Variants in ROBO2 observed in about 807,000 individuals in gnomAD.
The protein encoded by ROBO2 is roundabout homolog 2.
Under a neutral mutation model 160.8 loss-of-function variants are expected in ROBO2, and 53 were observed. The observed-to-expected ratio is 0.33, with a 90% CI of 0.26 to 0.41. ROBO2 has a LOEUF of 0.41. Ranked by LOEUF, ROBO2 falls within the 10% of genes least tolerant of loss-of-function variation. The pLI, the probability that ROBO2 is intolerant of heterozygous loss-of-function variation, is 1.00. For missense variants in ROBO2, 1,577 were observed against 1,722.4 expected (o/e 0.92, Z 1.49); for synonymous variants, 664 against 611.7 (o/e 1.09, Z -1.26).
chr3:77,490,809 T>C (rs1156904009), intron 4 of ROBO2, among the ~76,000 whole-genome samples: 1 of 152,228 alleles, frequency 6.6e-6, no homozygotes, highest in Non-Finnish European at 1.5e-5. Flanking sequence ...TGCGTCTGAC[T>C]GATCACCCAG....
At chr3:77,367,786 T>C (rs969487893) in intron 2 of ROBO2, among the ~76,000 whole-genome samples, 2 of 152,150 alleles carry the variant, frequency 1.3e-5, no homozygotes, top group Non-Finnish European at 2.9e-5. Flanking sequence ...TAATGTTAAC[T>C]CTTAGAATGC....
chr3:75,990,318 G>A (rs1191953670), intron 2 of ROBO2, among the ~76,000 whole-genome samples: 1 of 152,120 alleles, frequency 6.6e-6, no homozygotes, highest in Non-Finnish European at 1.5e-5. Context: ...AGACTTCATA[G>A]GGGAAAGAAT....
intron 2 of ROBO2, among the ~76,000 whole-genome samples, chr3:76,677,863 T>C (rs184684273): frequency 1.3e-5 from 2 of 151,956 alleles, no homozygotes; most frequent in Admixed American, 1.3e-4. Context: ...ATCCCAGGGT[T>C]ATGTCTCTGC....
intron 2 of ROBO2, among the ~76,000 whole-genome samples, chr3:76,218,944 G>C (rs1044932836): frequency 6.6e-6 from 1 of 152,174 alleles, no homozygotes; most frequent in African/African-American, 2.4e-5. Context: ...AAAGCAGCAT[G>C]ATACTGGTAC....
At chr3:76,259,727 G>T (rs1453809916) in intron 2 of ROBO2, among the ~76,000 whole-genome samples, 1 of 152,104 alleles carries the variant, frequency 6.6e-6, no homozygotes, top group Non-Finnish European at 1.5e-5. Flanking sequence ...GGGCTCCTTA[G>T]CTGTGATGCA....
intron 2 of ROBO2, among the ~76,000 whole-genome samples, chr3:76,593,613 T>C (rs535756044): frequency 6.6e-6 from 1 of 152,086 alleles, no homozygotes; most frequent in Non-Finnish European, 1.5e-5. Flanking sequence ...ATCATGATTT[T>C]TCAGAATTAA....
chr3:76,693,048 C>T (rs1461806471), intron 2 of ROBO2, among the ~76,000 whole-genome samples: 43 of 147,794 alleles, frequency 2.9e-4, no homozygotes, highest in Non-Finnish European at 4.8e-4. Flanking sequence ...GTCTCTCTCC[C>T]TATATATATA....
chr3:77,419,949 C>A (rs1431832277), intron 2 of ROBO2, among the ~76,000 whole-genome samples: 1 of 152,094 alleles, frequency 6.6e-6, no homozygotes, highest in Non-Finnish European at 1.5e-5. Flanking sequence ...TGCTCAACAC[C>A]ATGCCTTCTG....
chr3:76,630,792 T>C (rs2089984510), intron 2 of ROBO2, among the ~76,000 whole-genome samples: 1 of 152,228 alleles, frequency 6.6e-6, no homozygotes, highest in Non-Finnish European at 1.5e-5. Flanking sequence ...AATCTGAAGA[T>C]AGAATATCTG....
intron 2 of ROBO2, among the ~76,000 whole-genome samples, chr3:75,941,551 A>G (rs1310397956): frequency 6.6e-6 from 1 of 152,162 alleles, no homozygotes; most frequent in East Asian, 1.9e-4. Context: ...CCTAATTTCA[A>G]TCTGCTGCTA....
chr3:77,335,783 A>G (rs1012825726), intron 2 of ROBO2, among the ~76,000 whole-genome samples: 1 of 152,226 alleles, frequency 6.6e-6, no homozygotes, highest in Non-Finnish European at 1.5e-5. Flanking sequence ...AACTGAGCCT[A>G]ACTGTATGTT....
At chr3:77,015,835 T>A (rs2062205221) in intron 2 of ROBO2, among the ~76,000 whole-genome samples, 1 of 152,166 alleles carries the variant, frequency 6.6e-6, no homozygotes, top group Admixed American at 6.5e-5. Flanking sequence ...ATCTAAAACA[T>A]AATGTGTTTA....
chr3:76,154,566 G>A (rs1181426384), intron 2 of ROBO2, among the ~76,000 whole-genome samples: 1 of 152,088 alleles, frequency 6.6e-6, no homozygotes, highest in Non-Finnish European at 1.5e-5. Context: ...TTTGTCAGCT[G>A]AGCCAGTTCC....
chr3:76,346,143 G>T (rs893912622), intron 2 of ROBO2, among the ~76,000 whole-genome samples: 3 of 151,958 alleles, frequency 2.0e-5, no homozygotes, highest in Non-Finnish European at 4.4e-5. Flanking sequence ...AAAGAAGGCT[G>T]TCTTTGTTTC....
intron 17 of ROBO2, among the ~76,000 whole-genome samples, chr3:77,590,632 T>C (rs1315076903): frequency 6.6e-6 from 1 of 152,172 alleles, no homozygotes; most frequent in East Asian, 1.9e-4. Flanking sequence ...AAAAATTGAC[T>C]GTGCTGGTCA....
intron 1 of ROBO2, among the ~76,000 whole-genome samples, chr3:77,066,355 G>A (rs1043627533): frequency 6.6e-6 from 1 of 152,064 alleles, no homozygotes; most frequent in African/African-American, 2.4e-5. Context: ...TATATTAGAT[G>A]TCAAAAGACA....
intron 2 of ROBO2, among the ~76,000 whole-genome samples, chr3:76,064,246 G>A (rs73842944): frequency 0.021 from 3,139 of 152,192 alleles, 45 homozygotes; most frequent in East Asian, 0.081. Context: ...GTTGTGTTAC[G>A]CTTCTAATTT....
chr3:76,728,083 T>C (rs1478405573), intron 2 of ROBO2, among the ~76,000 whole-genome samples: 1 of 151,122 alleles, frequency 6.6e-6, no homozygotes. Context: ...GAAGGACAAG[T>C]AACCTATTGC....
chr3:76,866,280 T>A (rs945343245), intron 2 of ROBO2, among the ~76,000 whole-genome samples: 1 of 152,186 alleles, frequency 6.6e-6, no homozygotes, highest in African/African-American at 2.4e-5. Flanking sequence ...AATAAAATTA[T>A]TTAGCTTCAT....
Sources: allele counts gnomAD v4.1 joint callset (sites outside exome capture counted in the v4.1 genomes callset), GRCh38; gene constraint gnomAD v4.1.1; transcripts MANE v1.5; gene names NCBI Gene and HGNC (gene_info 2026-07-23, HGNC 2026-07-21).